SORCS3: variants seen among roughly 807,000 people sequenced by gnomAD.
SORCS3 encodes sortilin related VPS10 domain containing receptor 3, also known as VPS10 domain-containing receptor SorCS3.
In SORCS3, 57 loss-of-function variants were observed where a neutral mutation model predicts 146.3. The ratio of observed to expected loss-of-function variants is 0.39; its 90% CI spans 0.31 to 0.49. SORCS3 has a LOEUF of 0.49. Among genes scored for constraint, SORCS3 ranks in the 20% least tolerant of loss-of-function variants. The pLI is 0.92. For missense variants in SORCS3, 1,341 were observed against 1,575.5 expected, an observed-to-expected ratio of 0.85 and a Z score of 2.52; for synonymous variants, 653 against 618.5, an observed-to-expected ratio of 1.06 and a Z score of -0.83.
chr10:104,818,455 G>A (rs2017833234), intron 1 of SORCS3, among the ~76,000 whole-genome samples: 1 of 149,462 alleles, frequency 6.7e-6, no homozygotes, highest in Non-Finnish European at 1.5e-5. Flanking sequence ...AATCTTAAGA[G>A]GTGGGGAGGG....
intron 1 of SORCS3, among the ~76,000 whole-genome samples, chr10:104,723,013 T>C (rs1042113161): frequency 9.8e-5 from 15 of 152,344 alleles, no homozygotes; most frequent in Non-Finnish European, 1.9e-4. Flanking sequence ...TTTCTTGCCT[T>C]CTGCTAGCTT....
At chr10:104,772,458 G>A (rs7903219) in intron 1 of SORCS3, among the ~76,000 whole-genome samples, 43,867 of 152,014 alleles carry the variant, frequency 0.29, 6,648 homozygotes, top group East Asian at 0.62. Context: ...CAGGTTGGCT[G>A]CAGCCCAAAT....
intron 20 of SORCS3, among the ~76,000 whole-genome samples, chr10:105,242,560 TTA>T (rs1187091702): frequency 9.5e-5 from 6 of 63,098 alleles, no homozygotes; most frequent in Admixed American, 2.5e-4. Flanking sequence ...TTATATACAT[TTA>T]TATATATTTA....
intron 1 of SORCS3, among the ~76,000 whole-genome samples, chr10:104,708,416 A>G (rs1031196518): frequency 2.6e-5 from 4 of 152,278 alleles, no homozygotes; most frequent in East Asian, 1.9e-4. Flanking sequence ...CTTTCTCCCA[A>G]GAGACCCAGA....
At chr10:104,863,846 G>A (rs982860336) in intron 2 of SORCS3, among the ~76,000 whole-genome samples, 1 of 152,138 alleles carries the variant, frequency 6.6e-6, no homozygotes. Context: ...TGGAGTGAGG[G>A]CATGTGCTGG....
At chr10:104,803,709 G>C (rs527325716) in intron 1 of SORCS3, among the ~76,000 whole-genome samples, 2 of 152,256 alleles carry the variant, frequency 1.3e-5, no homozygotes, top group South Asian at 4.1e-4. Flanking sequence ...ATGTTTCTAT[G>C]TGAGTCCCCA....
intron 1 of SORCS3, among the ~76,000 whole-genome samples, chr10:104,680,797 G>A (rs988684873): frequency 5.9e-5 from 9 of 152,238 alleles, no homozygotes; most frequent in African/African-American, 2.2e-4. Flanking sequence ...TTGCTCTGTA[G>A]GAAGCAGGCA....
intron 5 of SORCS3, among the ~76,000 whole-genome samples, chr10:105,072,526 C>T (rs765211387): frequency 9.9e-5 from 15 of 152,168 alleles, no homozygotes; most frequent in Non-Finnish European, 2.2e-4. Flanking sequence ...AGGCTAACCG[C>T]TCTGTGCCAG....
At chr10:105,118,574 A>C (rs2055909303) in intron 7 of SORCS3, among the ~76,000 whole-genome samples, 1 of 152,196 alleles carries the variant, frequency 6.6e-6, no homozygotes, top group Non-Finnish European at 1.5e-5. Context: ...GCTCAGAAGA[A>C]GAAAGAAGAC....
At chr10:105,192,848 G>C (rs2056523930) in intron 14 of SORCS3, among the ~76,000 whole-genome samples, 1 of 152,060 alleles carries the variant, frequency 6.6e-6, no homozygotes, top group Admixed American at 6.6e-5. Flanking sequence ...TGGCATAATT[G>C]GGAGGCTACA....
At chr10:104,843,286 A>G (rs1469160768) in intron 2 of SORCS3, among the ~76,000 whole-genome samples, 1 of 152,314 alleles carries the variant, frequency 6.6e-6, no homozygotes, top group East Asian at 1.9e-4. Context: ...AGAAGGCAGT[A>G]TCATGGGGAC....
chr10:105,235,723 G>T (rs1268915220), intron 20 of SORCS3, among the ~76,000 whole-genome samples: 1 of 151,984 alleles, frequency 6.6e-6, no homozygotes, highest in Non-Finnish European at 1.5e-5. Context: ...GAGGCAGCAC[G>T]ATATAGTGGA....
chr10:104,833,389 G>T (rs531049691), intron 1 of SORCS3, among the ~76,000 whole-genome samples: 2 of 152,108 alleles, frequency 1.3e-5, no homozygotes, highest in Non-Finnish European at 2.9e-5. Context: ...CATCAGCCTT[G>T]GTGGGGGAGA....
chr10:104,838,213 C>T (rs1472052578), intron 1 of SORCS3, among the ~76,000 whole-genome samples: 1 of 152,058 alleles, frequency 6.6e-6, no homozygotes, highest in African/African-American at 2.4e-5. Context: ...GCTGTAGATC[C>T]GGAACTACCC....
At chr10:105,167,468 T>TATCC (rs2056323732) in intron 13 of SORCS3, 119 bp downstream of exon 13, 1 of 699,680 alleles carries the variant, frequency 1.4e-6, no homozygotes, top group Admixed American at 2.9e-5. Flanking sequence ...TCCATTTATT[T>TATCC]ATCCATCCAT....
chr10:105,159,546 T>C lies in SORCS3; in HGVS notation c.1732+552T>C, dbSNP rs116839979. 1.7e-3 allele frequency among the ~76,000 whole-genome samples: 253 copies of C among 152,312 alleles called. 1 individual carries two copies. The highest frequency in any genetic ancestry group is 5.6e-3 in the African/African-American group (234 of 41,588). ...ACTGAGCATCAGTCAGAGATGAAGATAAAGCAACTCTGAGATGAAAGCTAA... is the reference window on the plus strand; with the variant it reads ...ACTGAGCATCAGTCAGAGATGAAGACAAAGCAACTCTGAGATGAAAGCTAA... On this transcript the variant is annotated intron_variant, in intron 11 of 26. Coordinates refer to ENST00000369701, the MANE Select transcript of SORCS3 (RefSeq NM_014978.3).
rs143549165 is a variant in SORCS3 at position 104,894,625 on chromosome 10, C to T, written c.696-21208C>T. On this transcript the variant is annotated intron_variant, in intron 2 of 26. Coordinates refer to ENST00000369701, the MANE Select transcript of SORCS3 (RefSeq NM_014978.3). The stretch of plus-strand genomic sequence containing the variant: ...AATTTGGATTGTACAGAAGGAGAGA[C>T]CAAGAAGGACCCATGCACGAGGTAT... 2.2e-3 allele frequency among the ~76,000 whole-genome samples: 334 copies of T among 152,140 alleles called. 1 individual carries two copies. Among genetic ancestry groups the T allele is most frequent in the African/African-American group, 7.8e-3 (323 of 41,494 alleles).
intron 8 of SORCS3, among the ~76,000 whole-genome samples, chr10:105,144,982 C>T (rs1191472133): frequency 6.6e-6 from 1 of 152,058 alleles, no homozygotes; most frequent in Non-Finnish European, 1.5e-5. Context: ...ATTCCCTGGA[C>T]TTAGATGCAC....
At chr10:105,262,537 A>T in intron 26 of SORCS3, 46 bp downstream of exon 26, 1 of 1,569,526 alleles carries the variant, frequency 6.4e-7, no homozygotes, top group Non-Finnish European at 8.7e-7. Flanking sequence ...GTGTCCTCTA[A>T]ACACTGGCCT....
Sources: gnomAD v4.1 joint callset for allele counts (sites outside exome capture counted in the v4.1 genomes callset) on GRCh38, gnomAD v4.1.1 for gene constraint, MANE v1.5 for transcripts, NCBI Gene and HGNC (gene_info 2026-07-23, HGNC 2026-07-21) for gene names.